Variants in PCDHGA9 observed in about 807,000 individuals in gnomAD.
The protein encoded by PCDHGA9 is protocadherin gamma subfamily A, 9, also known as protocadherin gamma-A9.
A neutral mutation model predicts 62.5 loss-of-function variants in PCDHGA9; 37 were observed. The ratio of observed to expected loss-of-function variants is 0.59; its 90% CI spans 0.46 to 0.78. PCDHGA9 has a LOEUF of 0.78. Among genes scored for constraint, PCDHGA9 ranks in the 30% least tolerant of loss-of-function variants. The probability of loss-of-function intolerance (pLI) is 0.00; values close to 1 mark genes in which losing one functional copy is unlikely to be tolerated. For missense variants in PCDHGA9, 1,138 were observed against 1,166.2 expected (o/e 0.98, Z 0.35); for synonymous variants, 459 against 484.6 (o/e 0.95, Z 0.69).
intron 1 of PCDHGA9, among the ~76,000 whole-genome samples, chr5:141,430,243 T>C (rs1020416761): frequency 5.6e-5 from 6 of 106,478 alleles, no homozygotes; most frequent in African/African-American, 3.0e-4. Flanking sequence ...GAGAAACTCC[T>C]AGGGAGACAT....
chr5:141,452,652 C>T (rs1420422511), intron 1 of PCDHGA9, among the ~76,000 whole-genome samples: 1 of 151,916 alleles, frequency 6.6e-6, no homozygotes. Flanking sequence ...TCATTTGCTC[C>T]ATCCACTGCA....
chr5:141,418,988 G>A, intron 1 of PCDHGA9: 1 of 1,613,946 alleles, frequency 6.2e-7, no homozygotes, highest in Non-Finnish European at 8.5e-7. Context: ...CCAAGACTCA[G>A]GGGAAAATGG....
Position 141,511,502 on chromosome 5 carries a change from A to C in PCDHGA9, c.*329A>C. The C allele has an allele frequency of 2.0e-5, 8 of 395,260 alleles. No individual in the cohort carries two copies. The highest frequency in any genetic ancestry group is 4.1e-5 in the African/African-American group (2 of 48,892). The allele number at this position is 395,260 out of a possible 1,614,324, so 24.5% of individuals were successfully genotyped here. A position where few individuals can be genotyped will look rare whatever the true frequency, so the allele number is the denominator to read the frequency against. ...CTGAACTCCTCCATCTTCCAAATCA[A>C]TCAGGCCCATCCATCCCATGCCTCC... On this transcript the variant is annotated 3_prime_UTR_variant, in exon 4 of 4. Transcript: ENST00000573521.
At chr5:141,426,445 A>T (rs2096937062) in intron 1 of PCDHGA9, 1 of 310,256 alleles carries the variant, frequency 3.2e-6, no homozygotes, top group East Asian at 8.0e-5. Context: ...TGCGGAGGAC[A>T]TGCGGCTGCA....
intron 2 of PCDHGA9, 57 bp downstream of exon 2, chr5:141,494,922 C>G: frequency 6.2e-7 from 1 of 1,613,670 alleles, no homozygotes; most frequent in Admixed American, 1.7e-5. Context: ...TCAGGGATGA[C>G]GTGGGAGGAG....
intron 1 of PCDHGA9, chr5:141,423,653 G>A: frequency 6.3e-7 from 1 of 1,578,174 alleles, no homozygotes. Context: ...GACCCGACAA[G>A]TAATCAGGTG....
At chr5:141,452,909 TAC>T (rs1370071626) in intron 1 of PCDHGA9, among the ~76,000 whole-genome samples, 2 of 152,232 alleles carry the variant, frequency 1.3e-5, no homozygotes, top group African/African-American at 4.8e-5. Context: ...GTTGGCATTA[TAC>T]AGTAAGAAAG....
intron 1 of PCDHGA9, among the ~76,000 whole-genome samples, chr5:141,438,564 T>A (rs1192918137): frequency 1.5e-5 from 2 of 137,114 alleles, no homozygotes; most frequent in Non-Finnish European, 3.1e-5. Flanking sequence ...AAGAGGCAGC[T>A]GTCTGATATA....
chr5:141,496,621 CA>C (rs2099769988), intron 2 of PCDHGA9, among the ~76,000 whole-genome samples: 1 of 152,332 alleles, frequency 6.6e-6, no homozygotes, highest in Non-Finnish European at 1.5e-5. Flanking sequence ...AGCAGCAGAT[CA>C]AAAGGCTTGG....
intron 1 of PCDHGA9, among the ~76,000 whole-genome samples, chr5:141,450,750 G>C (rs778218781): frequency 1.1e-4 from 16 of 152,002 alleles, no homozygotes; most frequent in Admixed American, 2.0e-4. Context: ...GCCTCCCAAA[G>C]TGCCGGGATT....
chr5:141,470,837 G>A (rs932315417), intron 1 of PCDHGA9, among the ~76,000 whole-genome samples: 4 of 151,948 alleles, frequency 2.6e-5, no homozygotes, highest in Non-Finnish European at 4.4e-5. Flanking sequence ...ACAAACACAC[G>A]CCACCATGCT....
In PCDHGA9 at chr5:141,487,218, C is replaced by T; in HGVS notation, c.2425-7589C>T. The T allele has an allele frequency of 6.2e-7, 1 of 1,613,938 alleles. No individual in the cohort carries two copies. The highest frequency in any genetic ancestry group is 1.3e-5 in the African/African-American group (1 of 75,024). On this transcript the variant is annotated intron_variant, in intron 1 of 3. Coordinates refer to ENST00000573521, the MANE Select transcript of PCDHGA9 (RefSeq NM_018921.3). The surrounding 1 kb of genome is among the most constrained non-coding windows in gnomAD (Gnocchi z 5.0). ...CCAGATCTTCGAGAATCTTCAGCTCCAAGGGAAGGAGAATCTCGTCTAACC... is the reference window on the plus strand; with the variant it reads ...CCAGATCTTCGAGAATCTTCAGCTCTAAGGGAAGGAGAATCTCGTCTAACC...
chr5:141,490,345 G>GT lies in PCDHGA9; in HGVS notation c.2425-4461dup, dbSNP rs1363310763. The GT allele has an allele frequency of 6.2e-7, 1 of 1,614,216 alleles. No individual in the cohort carries two copies. The highest frequency in any genetic ancestry group is 2.2e-5 in the East Asian group (1 of 44,886). ...AGAGAGCACACCAGTGGGCACAGTAGTGGGGTTGTTTAATGTGCGAGACCG... is the reference window on the plus strand; with the variant it reads ...AGAGAGCACACCAGTGGGCACAGTAGTTGGGGTTGTTTAATGTGCGAGACCG... On this transcript the variant is annotated intron_variant, in intron 1 of 3. Transcript: ENST00000573521. This position sits in a 1 kb window ranked among gnomAD's most constrained non-coding sequence, Gnocchi z 5.4.
chr5:141,432,722 T>G lies in PCDHGA9; in HGVS notation c.2424+27346T>G, dbSNP rs2097531915. 6.2e-7 allele frequency: 1 copy of G among 1,613,646 alleles called. No homozygotes were observed. Among genetic ancestry groups the G allele is most frequent in the African/African-American group, 1.3e-5 (1 of 74,900 alleles). ...CCAGGACCACGGCCAGCCCCCTCTC[T>G]CCGCCACTGTCACGCTCACCGTGGC... On this transcript the variant is annotated intron_variant, in intron 1 of 3. Coordinates refer to ENST00000573521, the MANE Select transcript of PCDHGA9 (RefSeq NM_018921.3). The surrounding 1 kb of genome is among the most constrained non-coding windows in gnomAD (Gnocchi z 6.0).
intron 1 of PCDHGA9, among the ~76,000 whole-genome samples, chr5:141,494,072 C>G (rs2099751672): frequency 6.6e-6 from 1 of 152,160 alleles, no homozygotes; most frequent in Non-Finnish European, 1.5e-5. Flanking sequence ...CTGGATCCCT[C>G]CCCGCTGCAT....
chr5:141,423,759 G>C, intron 1 of PCDHGA9: 1 of 321,042 alleles, frequency 3.1e-6, no homozygotes, highest in Non-Finnish European at 4.5e-6. Flanking sequence ...TTGGGGGGGG[G>C]GTGGGGCGGC....
chr5:141,501,130 G>A (rs528942194), intron 2 of PCDHGA9, among the ~76,000 whole-genome samples: 5 of 152,100 alleles, frequency 3.3e-5, no homozygotes, highest in African/African-American at 4.8e-5. Flanking sequence ...GCCTCCCTAA[G>A]TGCTGGGATT....
chr5:141,407,996 TG>T, intron 1 of PCDHGA9: 1 of 872,306 alleles, frequency 1.1e-6, no homozygotes, highest in Non-Finnish European at 1.7e-6. Flanking sequence ...GCCTCTGGCC[TG>T]GGATTCCCTG....
chr5:141,458,509 CTTTGT>C (rs1181745590), intron 1 of PCDHGA9, among the ~76,000 whole-genome samples: 1 of 149,986 alleles, frequency 6.7e-6, no homozygotes, highest in Non-Finnish European at 1.5e-5. Context: ...CTGTTTGACA[CTTTGT>C]TTTTTTTTTT....
Sources: allele counts gnomAD v4.1 joint callset (sites outside exome capture counted in the v4.1 genomes callset), GRCh38; gene constraint gnomAD v4.1.1; non-coding constraint Gnocchi (gnomAD v3.1); transcripts MANE v1.5; gene names NCBI Gene and HGNC (gene_info 2026-07-23, HGNC 2026-07-21).